AGXT: variants seen among roughly 807,000 people sequenced by gnomAD.
AGXT encodes L-alanine: glyoxylate aminotransferase 1.
Under a neutral mutation model 46.9 loss-of-function variants are expected in AGXT, and 41 were observed. That is an observed-to-expected ratio of 0.88 (90% CI 0.68 to 1.14). AGXT has a LOEUF of 1.14. AGXT is among the 50% of genes most tolerant of loss of function. AGXT has a pLI of 0.00. For synonymous variants in AGXT, 244 were observed against 227.9 expected, an observed-to-expected ratio of 1.07 and a Z score of -0.64; for missense variants, 525 against 522.7, an observed-to-expected ratio of 1.00 and a Z score of -0.04.
chr2:240,877,431 T>G, intron 8 of AGXT, 106 bp from the exon 9 acceptor site: 2 of 1,149,974 alleles, frequency 1.7e-6, no homozygotes, highest in Non-Finnish European at 2.5e-6. Context: ...GGGGCTCCCC[T>G]GCACCAAGGC....
chr2:240,877,739 G>A, intron 9 of AGXT, 107 bp downstream of exon 9: 1 of 1,291,514 alleles, frequency 7.7e-7, no homozygotes, highest in Non-Finnish European at 1.1e-6. Flanking sequence ...GGAGGGGGCG[G>A]CTGCCCGGTG....
chr2:240,870,116 C>T (rs1368338182), intron 2 of AGXT, among the ~76,000 whole-genome samples: 1 of 152,170 alleles, frequency 6.6e-6, no homozygotes, highest in Non-Finnish European at 1.5e-5. Context: ...AGGTTCTTCC[C>T]CTCCCACAAC....
intron 8 of AGXT, among the ~76,000 whole-genome samples, chr2:240,876,284 T>C (rs2106431093): frequency 1.3e-5 from 2 of 151,854 alleles, no homozygotes; most frequent in South Asian, 4.2e-4. Flanking sequence ...GCCCAGTGAG[T>C]GGGTGGGCTG....
chr2:240,873,504 G>A (rs994200784), intron 5 of AGXT: 4 of 262,100 alleles, frequency 1.5e-5, no homozygotes, highest in African/African-American at 2.2e-5. Context: ...CCGGCCGAGG[G>A]GCCAAGGAGC....
At chr2:240,872,625 G>T (rs2058998437) in intron 4 of AGXT, among the ~76,000 whole-genome samples, 1 of 152,046 alleles carries the variant, frequency 6.6e-6, no homozygotes, top group Non-Finnish European at 1.5e-5. Flanking sequence ...TGGTCCCTGG[G>T]GTCCACACAG....
Position 240,877,522 on chromosome 2 carries a change from C to T in AGXT, c.847-15C>T, listed in dbSNP as rs1435820267. The T allele has an allele frequency of 6.5e-7, 1 of 1,541,816 alleles. No individual in the cohort carries two copies. The highest frequency in any genetic ancestry group is 1.2e-5 in the South Asian group (1 of 83,090). On this transcript the variant is annotated splice_polypyrimidine_tract_variant and intron_variant, in intron 8 of 10. Coordinates refer to ENST00000307503, the MANE Select transcript of AGXT (RefSeq NM_000030.3). Reference sequence around the variant, plus strand: ...CCACCCATGTCACTGCCCACCAGCGCCATCTCCCACACAGGGCCTGGAGAA... The same window carrying T: ...CCACCCATGTCACTGCCCACCAGCGTCATCTCCCACACAGGGCCTGGAGAA...
At chr2:240,869,407 A>C in intron 2 of AGXT, 45 bp downstream of exon 2, 1 of 1,506,306 alleles carries the variant, frequency 6.6e-7, no homozygotes, top group Non-Finnish European at 8.9e-7. Flanking sequence ...TCCATCCTTC[A>C]AGGCCTCCCT....
At chr2:240,873,496 G>A (rs1038330218) in intron 5 of AGXT, 7 of 258,794 alleles carry the variant, frequency 2.7e-5, no homozygotes, top group Admixed American at 1.0e-4. Flanking sequence ...CAACCAGGCC[G>A]GCCGAGGGGC....
At chr2:240,878,500 C>T (rs1243359958) in intron 10 of AGXT, among the ~76,000 whole-genome samples, 2 of 152,330 alleles carry the variant, frequency 1.3e-5, no homozygotes, top group African/African-American at 4.8e-5. Flanking sequence ...CCTGTCCTCC[C>T]GTGTGGCTGC....
At chr2:240,876,044 G>A in intron 8 of AGXT, 40 bp downstream of exon 8, 7 of 1,607,778 alleles carry the variant, frequency 4.4e-6, no homozygotes, top group Non-Finnish European at 6.0e-6. Context: ...CAGGGCCACT[G>A]GCTGGATTGT....
chr2:240,874,952 G>A (rs950199208), intron 6 of AGXT, among the ~76,000 whole-genome samples, 157 bp from the exon 7 acceptor site: 2 of 152,180 alleles, frequency 1.3e-5, no homozygotes, highest in Admixed American at 6.5e-5. Context: ...CGACCCACCC[G>A]GTCCCACTCT....
At position 240,868,913 on chromosome 2, in the gene AGXT, G is replaced by A. The variant is rs571553505; in HGVS notation, c.48G>A (p.Lys16=). The A allele has an allele frequency of 1.9e-6, 3 of 1,613,278 alleles. No individual in the cohort carries two copies. The highest frequency in any genetic ancestry group is 3.3e-5 in the Admixed American group (2 of 60,030). The change falls in exon 1 of 11, where the codon AAG becomes AAA. Residue 16 remains lysine, a synonymous_variant. Coordinates refer to ENST00000307503, the MANE Select transcript of AGXT (RefSeq NM_000030.3). ...TGACCCCCCCCAAGGCCCTGCTCAA[G>A]CCCCTCTCCATCCCCAACCAGCTCC... ...LLVTPPKALL[K]PLSIPNQLLL... is the part of the protein sequence containing the mutation.
Position 240,875,070 on chromosome 2 carries a change from A to G in AGXT, c.681-39A>G, listed in dbSNP as rs756418792. ...GAGACTGCCCTGGCCTTCAGCCCAAACTGAGAGGCTGGTGCTCAGCCTGCT... is the reference window on the plus strand; with the variant it reads ...GAGACTGCCCTGGCCTTCAGCCCAAGCTGAGAGGCTGGTGCTCAGCCTGCT... On this transcript the variant is annotated intron_variant, in intron 6 of 10. Coordinates refer to ENST00000307503, the MANE Select transcript of AGXT (RefSeq NM_000030.3). The G allele has an allele frequency of 5.8e-6, 9 of 1,545,272 alleles. No homozygotes were observed. In the South Asian group the frequency reaches 8.9e-5, roughly 15 times the overall value.
intron 8 of AGXT, among the ~76,000 whole-genome samples, chr2:240,876,667 A>C (rs935399729): frequency 6.6e-6 from 1 of 152,244 alleles, no homozygotes; most frequent in Non-Finnish European, 1.5e-5. Flanking sequence ...TGAGGTTGCA[A>C]GGCCGTGCCT....
intron 4 of AGXT, 94 bp downstream of exon 4, chr2:240,871,543 G>T: frequency 8.8e-7 from 1 of 1,142,538 alleles, no homozygotes; most frequent in Non-Finnish European, 1.3e-6. Flanking sequence ...TTCTGCCCCT[G>T]GTCCCCACCC....
chr2:240,874,089 T>A lies in AGXT; in HGVS notation c.680+27T>A. ...TGAGTGACCCACAGACCCTCACCTC[T>A]GTGCAGGGCTGGGCTTGCAGGGAGC... On this transcript the variant is annotated intron_variant, in intron 6 of 10. Coordinates refer to ENST00000307503, the MANE Select transcript of AGXT (RefSeq NM_000030.3). 3 of 1,607,862 alleles carry A rather than the reference T, an allele frequency of 1.9e-6. No individual in the cohort carries two copies. The South Asian group carries it at 3.3e-5, about 18-fold the overall frequency.
intron 2 of AGXT, 136 bp from the exon 3 acceptor site, chr2:240,870,508 T>TCAGG (rs1185951485): frequency 6.0e-6 from 6 of 998,074 alleles, no homozygotes; most frequent in Non-Finnish European, 9.1e-6. Context: ...ACCCTCCTCT[T>TCAGG]CAGGCAGGCA....
intron 2 of AGXT, among the ~76,000 whole-genome samples, chr2:240,870,005 G>C (rs546561561): frequency 6.6e-6 from 1 of 152,174 alleles, no homozygotes; most frequent in Non-Finnish European, 1.5e-5. Context: ...AGGGGACCCA[G>C]GGTCGGCAGA....
At chr2:240,874,488 CA>C (rs1370958893) in intron 6 of AGXT, among the ~76,000 whole-genome samples, 1 of 152,238 alleles carries the variant, frequency 6.6e-6, no homozygotes, top group Non-Finnish European at 1.5e-5. Context: ...CCAGGCCGGG[CA>C]GGGGGTAGGG....
Sources: gnomAD v4.1 joint callset for allele counts (sites outside exome capture counted in the v4.1 genomes callset) on GRCh38, gnomAD v4.1.1 for gene constraint, MANE v1.5 for transcripts, NCBI Gene and HGNC (gene_info 2026-07-23, HGNC 2026-07-21) for gene names.